Variants in SYT1 observed in about 807,000 individuals in gnomAD.
The protein encoded by SYT1 is synaptotagmin-1.
A neutral mutation model predicts 44.8 loss-of-function variants in SYT1; 8 were observed. The observed-to-expected ratio is 0.18, with a 90% confidence interval of 0.10 to 0.32. The LOEUF (loss-of-function observed/expected upper bound fraction) is 0.32, where lower values mean the gene tolerates loss of function less well. Among genes scored for constraint, SYT1 ranks in the 10% least tolerant of loss-of-function variants. The pLI, the probability that SYT1 is intolerant of heterozygous loss-of-function variation, is 1.00. For synonymous variants in SYT1, 154 were observed against 188.8 expected (o/e 0.82, Z 1.51); for missense variants, 286 against 509.3 (o/e 0.56, Z 4.22).
At chr12:78,963,082 T>C (rs1879596075) in intron 1 of SYT1, among the ~76,000 whole-genome samples, 1 of 152,158 alleles carries the variant, frequency 6.6e-6, no homozygotes, top group Non-Finnish European at 1.5e-5. Flanking sequence ...GACTGTCTTA[T>C]TTCACTTAGT....
chr12:78,968,751 A>G (rs1868305976), intron 1 of SYT1, among the ~76,000 whole-genome samples: 1 of 152,148 alleles, frequency 6.6e-6, no homozygotes, highest in African/African-American at 2.4e-5. Flanking sequence ...GACCATGCCA[A>G]AGTAGGGTTC....
intron 3 of SYT1, among the ~76,000 whole-genome samples, chr12:79,055,659 C>T (rs1032509667): frequency 1.3e-5 from 2 of 151,862 alleles, no homozygotes; most frequent in African/African-American, 4.8e-5. Context: ...ATGTCCTCTT[C>T]TATAAAAATG....
intron 1 of SYT1, among the ~76,000 whole-genome samples, chr12:78,872,113 T>G (rs1252040835): frequency 6.6e-6 from 1 of 151,946 alleles, no homozygotes; most frequent in Non-Finnish European, 1.5e-5. Context: ...AAGCCAAGCA[T>G]TCACCTTGAG....
chr12:79,356,913 A>T (rs1234080699), intron 9 of SYT1, among the ~76,000 whole-genome samples: 1 of 152,224 alleles, frequency 6.6e-6, no homozygotes, highest in Non-Finnish European at 1.5e-5. Flanking sequence ...AACATGGGAA[A>T]GCAACCAATG....
At position 79,283,495 on chromosome 12, in the gene SYT1, C is replaced by G. The variant is rs1183728618; in HGVS notation, c.167-2292C>G. Among the ~76,000 whole-genome samples, 3 of 152,134 alleles carry G rather than the reference C, an allele frequency of 2.0e-5. No individual in the cohort carries two copies. In the East Asian group the frequency reaches 5.8e-4, roughly 29 times the overall value. On this transcript the variant is annotated intron_variant, in intron 4 of 10. Transcript: ENST00000261205. ...CAAATCATCTTTGTCTTGTCTTGTACAATTTAAGAGACTTTTATGTAGCTC... is the reference window on the plus strand; with the variant it reads ...CAAATCATCTTTGTCTTGTCTTGTAGAATTTAAGAGACTTTTATGTAGCTC...
chr12:79,436,450 C>A (rs1870095541), intron 9 of SYT1, among the ~76,000 whole-genome samples: 2 of 152,050 alleles, frequency 1.3e-5, no homozygotes, highest in Non-Finnish European at 2.9e-5. Context: ...CACAGGAGCC[C>A]ACGGTCACTG....
intron 4 of SYT1, among the ~76,000 whole-genome samples, chr12:79,272,492 T>C (rs1421189658): frequency 2.0e-5 from 3 of 152,152 alleles, no homozygotes; most frequent in African/African-American, 7.2e-5. Flanking sequence ...TTTGGGAGTA[T>C]GTATTTCCCC....
intron 1 of SYT1, among the ~76,000 whole-genome samples, chr12:78,889,950 C>A (rs2073957821): frequency 6.6e-6 from 1 of 151,894 alleles, no homozygotes. Context: ...TTTACACTGA[C>A]ACAGACTGCC....
At chr12:79,277,148 A>G (rs1414849522) in intron 4 of SYT1, among the ~76,000 whole-genome samples, 2 of 152,196 alleles carry the variant, frequency 1.3e-5, no homozygotes, top group African/African-American at 4.8e-5. Flanking sequence ...AACTCCTGGG[A>G]GATACATTAC....
chr12:79,284,739 T>C (rs956411930), intron 4 of SYT1, among the ~76,000 whole-genome samples: 1 of 150,578 alleles, frequency 6.6e-6, no homozygotes, highest in African/African-American at 2.5e-5. Flanking sequence ...CTCGGGACGC[T>C]GAGGCAGGGG....
chr12:78,919,238 C>G (rs894067894), intron 1 of SYT1, among the ~76,000 whole-genome samples: 21 of 151,844 alleles, frequency 1.4e-4, no homozygotes, highest in African/African-American at 3.9e-4. Flanking sequence ...GGTTTATGAA[C>G]AATAAAAACT....
At chr12:79,028,258 A>G (rs1442375913) in intron 2 of SYT1, among the ~76,000 whole-genome samples, 1 of 151,400 alleles carries the variant, frequency 6.6e-6, no homozygotes, top group Non-Finnish European at 1.5e-5. Context: ...CTTATCAGAT[A>G]TTTCTTCACT....
intron 1 of SYT1, among the ~76,000 whole-genome samples, chr12:78,936,435 T>C (rs996146181): frequency 1.2e-4 from 19 of 152,174 alleles, no homozygotes; most frequent in African/African-American, 4.1e-4. Context: ...TCTTAAATCA[T>C]TACATATGTG....
chr12:79,193,832 A>C (rs1485952769), intron 3 of SYT1, among the ~76,000 whole-genome samples: 1 of 152,060 alleles, frequency 6.6e-6, no homozygotes, highest in Non-Finnish European at 1.5e-5. Context: ...CAAATTCCAC[A>C]TTTTTTATTT....
intron 2 of SYT1, among the ~76,000 whole-genome samples, chr12:79,038,180 CACACACACATATATATACACATATATAT>C (rs934894096): frequency 4.7e-5 from 7 of 149,998 alleles, no homozygotes; most frequent in African/African-American, 1.7e-4. Context: ...TATATATATA[CACACACACATATATATACACATATATAT>C]ACACACATAT....
chr12:79,005,952 C>T (rs976808), intron 2 of SYT1, among the ~76,000 whole-genome samples: 6,285 of 152,136 alleles, frequency 0.041, 192 homozygotes, highest in East Asian at 0.15. Context: ...TTTGGATAGG[C>T]GCTCTGTTTG....
chr12:78,888,253 A>G (rs963671918), intron 1 of SYT1, among the ~76,000 whole-genome samples: 1 of 151,886 alleles, frequency 6.6e-6, no homozygotes, highest in African/African-American at 2.4e-5. Flanking sequence ...GTTAGTGTAA[A>G]TGGATTGCTC....
At chr12:78,994,744 C>T (rs1426333814) in intron 2 of SYT1, among the ~76,000 whole-genome samples, 1 of 151,880 alleles carries the variant, frequency 6.6e-6, no homozygotes, top group African/African-American at 2.4e-5. Context: ...ACCTTCTTGG[C>T]CAGGCTGGTC....
intron 6 of SYT1, among the ~76,000 whole-genome samples, chr12:79,295,144 A>G (rs1879819298): frequency 6.6e-6 from 1 of 152,144 alleles, no homozygotes; most frequent in Non-Finnish European, 1.5e-5. Flanking sequence ...AATAGCATAT[A>G]CCTTGAATAA....
Sources: allele counts gnomAD v4.1 joint callset (sites outside exome capture counted in the v4.1 genomes callset), GRCh38; gene constraint gnomAD v4.1.1; transcripts MANE v1.5; gene names NCBI Gene and HGNC (gene_info 2026-07-23, HGNC 2026-07-21).